WWC2: variants seen among roughly 807,000 people sequenced by gnomAD.
The protein encoded by WWC2 is WW and C2 domain containing 2, also known as protein WWC2.
A neutral mutation model predicts 138.5 loss-of-function variants in WWC2; 101 were observed. The observed-to-expected ratio is 0.73, with a 90% CI of 0.62 to 0.86. WWC2 has a LOEUF of 0.86. Ranked by LOEUF, WWC2 falls within the 40% of genes least tolerant of loss-of-function variation. WWC2 has a pLI of 0.00. For synonymous variants in WWC2, 558 were observed against 538.4 expected (o/e 1.04, Z -0.50); for missense variants, 1,420 against 1,419.4 (o/e 1.00, Z -0.01).
chr4:183,285,838 G>A, intron 19 of WWC2, 129 bp from the exon 20 acceptor site: 1 of 763,324 alleles, frequency 1.3e-6, no homozygotes, highest in Non-Finnish European at 2.1e-6. Flanking sequence ...TTGTTTGAGG[G>A]GATTTTCTTA....
At chr4:183,105,843 T>A (rs532778446) in intron 1 of WWC2, among the ~76,000 whole-genome samples, 1 of 151,188 alleles carries the variant, frequency 6.6e-6, no homozygotes, top group South Asian at 2.1e-4. Context: ...TGAGCAGACA[T>A]TGCGCCAATG....
intron 2 of WWC2, among the ~76,000 whole-genome samples, chr4:183,197,924 G>A (rs1157907122): frequency 6.6e-6 from 1 of 152,126 alleles, no homozygotes; most frequent in Non-Finnish European, 1.5e-5. Flanking sequence ...TCCCTACTGC[G>A]GCAGACATTG....
intron 1 of WWC2, among the ~76,000 whole-genome samples, chr4:183,111,697 TG>T (rs961853637): frequency 2.0e-5 from 3 of 151,500 alleles, no homozygotes; most frequent in East Asian, 1.9e-4. Flanking sequence ...CTTTCTGTTT[TG>T]TTTTTTTTTT....
chr4:183,297,242 G>T (rs1738662490), intron 21 of WWC2, among the ~76,000 whole-genome samples: 1 of 152,008 alleles, frequency 6.6e-6, no homozygotes, highest in South Asian at 2.1e-4. Flanking sequence ...CAAAGTGCTG[G>T]AATTGCAGGT....
chr4:183,155,165 A>C (rs543099137), intron 1 of WWC2, among the ~76,000 whole-genome samples: 2 of 150,484 alleles, frequency 1.3e-5, no homozygotes, highest in Non-Finnish European at 2.9e-5. Context: ...ATTTGCAGCA[A>C]GTTCTAATGA....
At chr4:183,151,671 AG>A (rs1222104103) in intron 1 of WWC2, among the ~76,000 whole-genome samples, 1 of 152,178 alleles carries the variant, frequency 6.6e-6, no homozygotes, top group Non-Finnish European at 1.5e-5. Context: ...TTATGGTTTT[AG>A]GTCTAACATT....
intron 1 of WWC2, among the ~76,000 whole-genome samples, chr4:183,192,660 C>T (rs12507397): frequency 0.72 from 109,403 of 152,060 alleles, 40,308 homozygotes; most frequent in Middle Eastern, 0.89. Flanking sequence ...TTCAGTTGAA[C>T]TGTGAGATCT....
intron 21 of WWC2, among the ~76,000 whole-genome samples, chr4:183,293,016 C>T (rs893981845): frequency 5.3e-5 from 8 of 152,210 alleles, no homozygotes; most frequent in Admixed American, 6.5e-5. Context: ...GGTGCAGTGG[C>T]ACGATCTCGG....
intron 20 of WWC2, among the ~76,000 whole-genome samples, chr4:183,288,498 A>C (rs1738328007): frequency 6.6e-6 from 1 of 152,090 alleles, no homozygotes; most frequent in Admixed American, 6.5e-5. Context: ...CCCTTCCTCA[A>C]GTGCATGTGC....
intron 14 of WWC2, among the ~76,000 whole-genome samples, chr4:183,266,770 T>G (rs1307816392): frequency 6.6e-6 from 1 of 152,186 alleles, no homozygotes; most frequent in Non-Finnish European, 1.5e-5. Flanking sequence ...CTTTGGAAAT[T>G]TAAAAAGAGC....
chr4:183,155,802 G>A (rs1236383382), intron 1 of WWC2, among the ~76,000 whole-genome samples: 1 of 152,110 alleles, frequency 6.6e-6, no homozygotes, highest in African/African-American at 2.4e-5. Context: ...TCTACTCAGA[G>A]TCATTGAGCC....
chr4:183,267,798 C>T (rs1248740713), intron 14 of WWC2, among the ~76,000 whole-genome samples: 6 of 152,224 alleles, frequency 3.9e-5, no homozygotes, highest in Admixed American at 3.9e-4. Context: ...TGCGAACCTT[C>T]CTGACATATA....
chr4:183,206,558 A>G (rs1422795046), intron 2 of WWC2, among the ~76,000 whole-genome samples: 2 of 152,258 alleles, frequency 1.3e-5, no homozygotes, highest in African/African-American at 4.8e-5. Context: ...TAGTTTAACA[A>G]ATATTTTAGA....
chr4:183,259,654 G>A lies in WWC2; in HGVS notation c.1212G>A (p.Glu404=). Reference sequence around the variant, plus strand: ...TTCTTCCTAGATTGAGATTGGAAGAGAGAAGAAAAGAGCTGCTACAGAAAC... The same window carrying A: ...TTCTTCCTAGATTGAGATTGGAAGAAAGAAGAAAAGAGCTGCTACAGAAAC... The part of the protein sequence containing the change: ...RALAERLRLE[E]RRKELLQKLE... The change falls in exon 10 of 23, where the codon GAG becomes GAA. Residue 404 remains glutamate, a synonymous_variant. Transcript: ENST00000403733. The A allele has an allele frequency of 6.5e-7, 1 of 1,541,566 alleles. No individual in the cohort carries two copies. The highest frequency in any genetic ancestry group is 1.2e-5 in the South Asian group (1 of 80,190).
chr4:183,248,757 T>C lies in WWC2; in HGVS notation c.776T>C (p.Ile259Thr), dbSNP rs770016260. The C allele has an allele frequency of 1.7e-5, 27 of 1,603,980 alleles. No homozygotes were observed. In the East Asian group the frequency reaches 5.6e-4, roughly 33 times the overall value. ...GAGCGGTTTCATTTGGATCAGAACA[T>C]TGGCAGATCTGAGCCAGATTTGAGA... ...LQERFHLDQNIGRSEPDLRCS... is the reference protein window; with the variant it reads ...LQERFHLDQNTGRSEPDLRCS... Residue 259 changes from isoleucine to threonine, a missense_variant, in exon 7 of 23, where the codon ATT becomes ACT. Transcript: ENST00000403733.
At chr4:183,102,196 C>G (rs1055071110) in intron 1 of WWC2, among the ~76,000 whole-genome samples, 1 of 152,176 alleles carries the variant, frequency 6.6e-6, no homozygotes, top group Non-Finnish European at 1.5e-5. Flanking sequence ...CTGAATCCCT[C>G]TAAACCTCCA....
Position 183,188,938 on chromosome 4 carries a change from G to T in WWC2, c.132-4661G>T, listed in dbSNP as rs148092189. ...TGAGATTACAGGCATGAACCACCGT[G>T]CCTGCCCCTCTAATATGACTTCCTT... On this transcript the variant is annotated intron_variant, in intron 1 of 22. Coordinates refer to ENST00000403733, the MANE Select transcript of WWC2 (RefSeq NM_024949.6). Among the ~76,000 whole-genome samples the T allele has an allele frequency of 2.3e-3, 346 of 152,054 alleles. 1 individual carries two copies. Among genetic ancestry groups the T allele is most frequent in the African/African-American group, 8.1e-3 (335 of 41,502 alleles).
intron 1 of WWC2, among the ~76,000 whole-genome samples, chr4:183,164,328 TA>T (rs1224114980): frequency 0.019 from 35 of 1,850 alleles, 1 homozygote; most frequent in South Asian, 0.062. Flanking sequence ...TACATATATA[TA>T]TATATATACA....
rs1733643423 is a variant in WWC2 at position 183,151,835 on chromosome 4, A to C, written c.132-41764A>C. On this transcript the variant is annotated intron_variant, in intron 1 of 22. Coordinates refer to ENST00000403733, the MANE Select transcript of WWC2 (RefSeq NM_024949.6). Reference sequence around the variant, plus strand: ...TTCTTGTTTTTCTCAGGTTTGTCAAAGATCAGATGGTTGTAGATGTGTGGT... The same window carrying C: ...TTCTTGTTTTTCTCAGGTTTGTCAACGATCAGATGGTTGTAGATGTGTGGT... Among the ~76,000 whole-genome samples, 4 of 152,332 alleles carry C rather than the reference A, an allele frequency of 2.6e-5. No individual in the cohort carries two copies. In the East Asian group the frequency reaches 7.7e-4, roughly 29 times the overall value.
Sources: allele counts gnomAD v4.1 joint callset (sites outside exome capture counted in the v4.1 genomes callset), GRCh38; gene constraint gnomAD v4.1.1; transcripts MANE v1.5; gene names NCBI Gene and HGNC (gene_info 2026-07-23, HGNC 2026-07-21).